The following NLRP13 variants were observed in gnomAD, a reference collection of about 807,000 sequenced individuals.
NLRP13 encodes the protein NLR family pyrin domain containing 13.
Under a neutral mutation model 94.4 loss-of-function variants are expected in NLRP13, and 82 were observed. The observed-to-expected ratio is 0.87, with a 90% CI of 0.73 to 1.04. The LOEUF (loss-of-function observed/expected upper bound fraction) is 1.04. Among genes scored for constraint, NLRP13 ranks in the 50% least tolerant of loss-of-function variants. The pLI is 0.00. For synonymous variants in NLRP13, 553 were observed against 464.7 expected (o/e 1.19, Z -2.45); for missense variants, 1,426 against 1,230.8 (o/e 1.16, Z -2.37).
intron 4 of NLRP13, among the ~76,000 whole-genome samples, chr19:55,921,720 A>G (rs970886218): frequency 4.6e-5 from 7 of 152,176 alleles, no homozygotes; most frequent in African/African-American, 1.4e-4. Context: ...ATATCATCCT[A>G]AAGTAGGAGC....
At chr19:55,900,001 A>C (rs947642196) in intron 9 of NLRP13, among the ~76,000 whole-genome samples, 1 of 150,726 alleles carries the variant, frequency 6.6e-6, no homozygotes. Context: ...AAACATACTT[A>C]ATAGAACATT....
At chr19:55,929,471 C>T (rs143444472) in intron 1 of NLRP13, among the ~76,000 whole-genome samples, 1,961 of 152,204 alleles carry the variant, frequency 0.013, 35 homozygotes, top group African/African-American at 0.042. Flanking sequence ...TCATGTCCTT[C>T]GCAGGGACAT....
At chr19:55,915,273 T>A (rs1986647913) in intron 4 of NLRP13, among the ~76,000 whole-genome samples, 1 of 152,166 alleles carries the variant, frequency 6.6e-6, no homozygotes, top group African/African-American at 2.4e-5. Context: ...CTGGAGACAT[T>A]GGGTGCCAGT....
chr19:55,930,009 A>G (rs1987069293), intron 1 of NLRP13, among the ~76,000 whole-genome samples: 1 of 152,196 alleles, frequency 6.6e-6, no homozygotes, highest in African/African-American at 2.4e-5. Context: ...AGAGAGGGAC[A>G]GGGAAAAAGG....
rs1986522232 is a variant in NLRP13 at position 55,911,829 on chromosome 19, A to C, written c.1988T>G (p.Leu663Arg). 3 of 1,614,202 alleles carry C rather than the reference A, an allele frequency of 1.9e-6. No individual in the cohort carries two copies. Among genetic ancestry groups the C allele is most frequent in the Non-Finnish European group, 1.7e-6 (2 of 1,180,026 alleles). The change falls in exon 5 of 11, where the codon CTT becomes CGT. Residue 663 changes from leucine (L) to arginine (R), a missense_variant. By Grantham distance (102) the Leu-to-Arg change is moderately radical (BLOSUM62 -2). Transcript: ENST00000342929. ...GAGTTCTTCGTCCTCCAAAATATTA[A>C]GGTCAACTTCAAAGATACGACCCAA... The part of the protein sequence containing the change: ...KMLGRIFEVD[L>R]NILEDEELQA...
In NLRP13 at chr19:55,924,763, A is replaced by G; in HGVS notation, c.389-105T>C. On this transcript the variant is annotated intron_variant, in intron 2 of 10. Transcript: ENST00000342929. ...ACCAACTTTTTCTATGGCAAACGGG[A>G]TTGAAGAGACTGGAGGAATCAGTAT... The G allele has an allele frequency of 4.0e-6, 4 of 1,002,026 alleles. No individual in the cohort carries two copies. The Admixed American group carries it at 7.4e-5, about 18-fold the overall frequency. 62.1% of individuals were successfully genotyped at this position (1,002,026 alleles called of 1,614,324 possible).
rs749541198 is a variant in NLRP13, at chr19:55,912,187, CA to C, written c.1629del (p.Phe543LeufsTer8). The C allele has an allele frequency of 3.1e-6, 5 of 1,614,020 alleles. No individual in the cohort carries two copies. The South Asian group carries it at 3.3e-5, about 11-fold the overall frequency. On this transcript the variant is annotated frameshift_variant, in exon 5 of 11. Coordinates refer to ENST00000342929, the MANE Select transcript of NLRP13 (RefSeq NM_176810.2). LOFTEE classifies it high-confidence loss of function. ...TCCTCTAGCACAAAGGACATGGCTG[CA>C]AAAAACTCCTGGAAACTTAGGTGGG... The part of the protein sequence containing the change: ...TFTHLSFQEF[F>X]AAMSFVLEEP...
intron 1 of NLRP13, among the ~76,000 whole-genome samples, chr19:55,927,058 A>G (rs537045462): frequency 6.6e-6 from 1 of 151,968 alleles, no homozygotes; most frequent in Admixed American, 6.5e-5. Context: ...CCCAAAAGAG[A>G]GAATAGATTT....
intron 4 of NLRP13, among the ~76,000 whole-genome samples, chr19:55,922,063 C>G (rs59657520): frequency 0.012 from 1,892 of 152,290 alleles, 44 homozygotes; most frequent in African/African-American, 0.043. Flanking sequence ...AAAGACACAA[C>G]TTACCTAGTG....
rs373438857 is a variant in NLRP13 at position 55,932,175 on chromosome 19, G to A, written c.137C>T (p.Ser46Leu). The change falls in exon 1 of 11, where the codon TCG (serine) becomes TTG (leucine). Residue 46 changes from serine to leucine, a missense_variant. Transcript: ENST00000342929. ...ACGCGGGAAGTGCCCCTGGGGGGCCGACCAGAAGTCCATCAGCTGCTGGGG... is the reference window on the plus strand; with the variant it reads ...ACGCGGGAAGTGCCCCTGGGGGGCCAACCAGAAGTCCATCAGCTGCTGGGG... ...LEPQQLMDFW[S>L]APQGHFPRIP... 21 of 1,613,946 alleles carry A rather than the reference G, an allele frequency of 1.3e-5. No individual in the cohort carries two copies. In the African/African-American group the frequency reaches 1.3e-4, roughly 10 times the overall value.
chr19:55,913,377 A>G (rs939922807), intron 4 of NLRP13, 84 bp from the exon 5 acceptor site: 7 of 1,406,698 alleles, frequency 5.0e-6, no homozygotes, highest in African/African-American at 1.4e-5. Flanking sequence ...CCTACCCCAA[A>G]GACTTGAATA....
chr19:55,920,106 C>T (rs1010761211), intron 4 of NLRP13, among the ~76,000 whole-genome samples: 5 of 152,088 alleles, frequency 3.3e-5, no homozygotes, highest in Admixed American at 1.3e-4. Context: ...ATAAACGGTG[C>T]TGGGAAAACT....
At chr19:55,919,488 T>A (rs1986758630) in intron 4 of NLRP13, among the ~76,000 whole-genome samples, 1 of 152,068 alleles carries the variant, frequency 6.6e-6, no homozygotes, top group African/African-American at 2.4e-5. Context: ...AAAAGACTCC[T>A]AGATTTGATA....
chr19:55,912,720 C>A lies in NLRP13; in HGVS notation c.1097G>T (p.Trp366Leu). The A allele has an allele frequency of 1.9e-6, 3 of 1,614,136 alleles. No homozygotes were observed. The highest frequency in any genetic ancestry group is 2.5e-6 in the Non-Finnish European group (3 of 1,180,010). ...LATLLITIKTWFVRDLKASLV... is the reference protein window; with the variant it reads ...LATLLITIKTLFVRDLKASLV... ...TGAGGCCTTAAGATCTCTCACAAACCAGGTCTTGATCGTGATCAGTAAGGT... is the reference window on the plus strand; with the variant it reads ...TGAGGCCTTAAGATCTCTCACAAACAAGGTCTTGATCGTGATCAGTAAGGT... Residue 366 changes from tryptophan to leucine, a missense_variant, in exon 5 of 11, where the codon TGG (tryptophan) becomes TTG (leucine). Trp to Leu is a moderately conservative substitution (Grantham distance 61). Transcript: ENST00000342929.
In NLRP13 at chr19:55,924,994, C is replaced by A; in HGVS notation, c.361G>T (p.Asp121Tyr). The A allele has an allele frequency of 6.2e-7, 1 of 1,614,136 alleles. No individual in the cohort carries two copies. The highest frequency in any genetic ancestry group is 8.5e-7 in the Non-Finnish European group (1 of 1,179,996). Reference protein sequence around the residue: ...TQELQDPTQEDLEMLEAAAGN... With the variant: ...TQELQDPTQEYLEMLEAAAGN... ...GCTGCTGCTTCTAGCATCTCTAGATCTTCCTGGGTTGGATCTTGCAGCTCT... is the reference window on the plus strand; with the variant it reads ...GCTGCTGCTTCTAGCATCTCTAGATATTCCTGGGTTGGATCTTGCAGCTCT... Residue 121 changes from aspartate to tyrosine, a missense_variant, in exon 2 of 11, where the codon GAT becomes TAT. Physicochemically the swap from Asp to Tyr is radical, Grantham distance 160. Coordinates refer to ENST00000342929, the MANE Select transcript of NLRP13 (RefSeq NM_176810.2).
Position 55,910,554 on chromosome 19 carries a change from C to T in NLRP13, c.2282+9G>A. The T allele has an allele frequency of 6.3e-7, 1 of 1,581,296 alleles. No homozygotes were observed. Among genetic ancestry groups the T allele is most frequent in the South Asian group, 1.1e-5 (1 of 88,548 alleles). ...GTATCTTCTTGAGCTGCTGGCGTCT[C>T]ACACTTACGTCAGTTTCTGGACTTT... On this transcript the variant is annotated intron_variant, in intron 6 of 10. Coordinates refer to ENST00000342929, the MANE Select transcript of NLRP13 (RefSeq NM_176810.2).
chr19:55,895,929 G>A (rs755135782), downstream of NLRP13: 10 of 1,612,112 alleles, frequency 6.2e-6, no homozygotes, highest in Admixed American at 1.5e-4. Context: ...CTCCCCTGCA[G>A]AAAAGTCAGT....
In NLRP13 at chr19:55,913,099, C is replaced by T; in HGVS notation, c.718G>A (p.Gly240Arg). Residue 240 changes from glycine (G) to arginine (R), a missense_variant, in exon 5 of 11, where the codon GGG becomes AGG. Coordinates refer to ENST00000342929, the MANE Select transcript of NLRP13 (RefSeq NM_176810.2). ...TIVLVGRAGV[G>R]KTTLAMQAML... ...GCCTGCATTGCCAAGGTGGTCTTCC[C>T]AACCCCTGCCCTCCCCACCAAGACT... 6.2e-7 allele frequency: 1 copy of T among 1,614,128 alleles called. No individual in the cohort carries two copies. Among genetic ancestry groups the T allele is most frequent in the South Asian group, 1.1e-5 (1 of 91,078 alleles).
chr19:55,897,899 G>A (rs1600257120), intron 10 of NLRP13, among the ~76,000 whole-genome samples: 1 of 152,096 alleles, frequency 6.6e-6, no homozygotes, highest in Non-Finnish European at 1.5e-5. Flanking sequence ...CTGAGCTAAT[G>A]GAACCATTCC....
Sources: gnomAD v4.1 joint callset for allele counts (sites outside exome capture counted in the v4.1 genomes callset) on GRCh38, gnomAD v4.1.1 for gene constraint, MANE v1.5 for transcripts, NCBI Gene and HGNC (gene_info 2026-07-23, HGNC 2026-07-21) for gene names.